Variants in KLHL29 observed in about 807,000 individuals in gnomAD.
KLHL29 encodes the protein kelch like family member 29, also known as kelch-like protein 29.
KLHL29 carries 21 observed loss-of-function variants against 80.4 expected under a neutral mutation model. That is an observed-to-expected ratio of 0.26 (90% confidence interval 0.19 to 0.38). The LOEUF is 0.38. KLHL29 is among the 10% of genes least tolerant of loss of function. KLHL29 has a pLI of 1.00. For missense variants in KLHL29, 867 were observed against 1,223.9 expected (o/e 0.71, Z 4.35); for synonymous variants, 511 against 526.8 (o/e 0.97, Z 0.41).
At chr2:23,473,324 G>A (rs1664547456) in intron 1 of KLHL29, among the ~76,000 whole-genome samples, 1 of 152,138 alleles carries the variant, frequency 6.6e-6, no homozygotes, top group South Asian at 2.1e-4. Flanking sequence ...GCTCGCCTGG[G>A]AGAGGTGGGG....
chr2:23,658,493 C>T (rs1670308349), intron 5 of KLHL29, among the ~76,000 whole-genome samples: 1 of 152,192 alleles, frequency 6.6e-6, no homozygotes, highest in African/African-American at 2.4e-5. Flanking sequence ...AGCACAGGCC[C>T]CACGTCCCCT....
chr2:23,498,132 A>G (rs1278533869), intron 2 of KLHL29, among the ~76,000 whole-genome samples: 1 of 152,196 alleles, frequency 6.6e-6, no homozygotes, highest in Non-Finnish European at 1.5e-5. Context: ...AACTTCCAGC[A>G]TACAATATAA....
At chr2:23,508,148 CT>C (rs1483982071) in intron 2 of KLHL29, among the ~76,000 whole-genome samples, 1 of 152,206 alleles carries the variant, frequency 6.6e-6, no homozygotes, top group Non-Finnish European at 1.5e-5. Flanking sequence ...ACCCAAGAAA[CT>C]GTGTGGCTCA....
Position 23,684,158 on chromosome 2 carries a change from G to C in KLHL29, c.941-241G>C, listed in dbSNP as rs1671171917. Among the ~76,000 whole-genome samples the C allele has an allele frequency of 6.6e-6, 1 of 151,844 alleles. No individual in the cohort carries two copies. The highest frequency in any genetic ancestry group is 2.4e-5 in the African/African-American group (1 of 41,328). On this transcript the variant is annotated intron_variant, in intron 5 of 13. Coordinates refer to ENST00000486442, the MANE Select transcript of KLHL29 (RefSeq NM_052920.2). This position sits in a 1 kb window ranked among gnomAD's most constrained non-coding sequence, Gnocchi z 4.4. ...GGGTTTGATTTTTTGTATCATATTT[G>C]GTTTTTTTGCTTTTTAAAGTTGTGA...
rs1375907695 is a variant in KLHL29, at chr2:23,695,171, G to A, written c.1543-452G>A. Among the ~76,000 whole-genome samples the A allele has an allele frequency of 6.6e-6, 1 of 152,140 alleles. No homozygotes were observed. The highest frequency in any genetic ancestry group is 1.5e-5 in the Non-Finnish European group (1 of 68,026). On this transcript the variant is annotated intron_variant, in intron 8 of 13. Transcript: ENST00000486442. This position sits in a 1 kb window ranked among gnomAD's most constrained non-coding sequence, Gnocchi z 7.6. ...AGGCTCCCACGGCTGAGACTTACAA[G>A]CTCAATAGTCGCCATCTCCTTGAAG...
At chr2:23,401,729 C>T (rs1435829566) in intron 1 of KLHL29, among the ~76,000 whole-genome samples, 5 of 152,216 alleles carry the variant, frequency 3.3e-5, no homozygotes, top group African/African-American at 1.2e-4. Flanking sequence ...GGACTATCTG[C>T]TGGTCCAAGG....
At chr2:23,416,122 A>G (rs531826231) in intron 1 of KLHL29, among the ~76,000 whole-genome samples, 1 of 152,100 alleles carries the variant, frequency 6.6e-6, no homozygotes, top group Non-Finnish European at 1.5e-5. Flanking sequence ...GCACAGTGAT[A>G]ACATCCCGAG....
At chr2:23,446,854 C>T (rs1558341548) in intron 1 of KLHL29, among the ~76,000 whole-genome samples, 1 of 152,308 alleles carries the variant, frequency 6.6e-6, no homozygotes, top group East Asian at 1.9e-4. Flanking sequence ...AAGGGAATCA[C>T]ATAAGACTGA....
At chr2:23,501,982 C>T (rs1045177194) in intron 2 of KLHL29, among the ~76,000 whole-genome samples, 12 of 152,110 alleles carry the variant, frequency 7.9e-5, no homozygotes, top group Non-Finnish European at 1.3e-4. Flanking sequence ...CCTGCATTTT[C>T]AAACCAAAGA....
At chr2:23,468,548 C>G (rs532810158) in intron 1 of KLHL29, among the ~76,000 whole-genome samples, 19 of 152,302 alleles carry the variant, frequency 1.2e-4, no homozygotes, top group East Asian at 1.9e-4. Context: ...ACACCGCCCC[C>G]CTCCCCGCCG....
chr2:23,484,305 C>G (rs940481433), intron 2 of KLHL29, among the ~76,000 whole-genome samples: 6 of 152,232 alleles, frequency 3.9e-5, no homozygotes, highest in African/African-American at 1.4e-4. Flanking sequence ...AGAGCCCGAG[C>G]TCACCTGTGG....
chr2:23,676,718 G>C (rs1670932547), intron 5 of KLHL29, among the ~76,000 whole-genome samples: 2 of 152,234 alleles, frequency 1.3e-5, no homozygotes, highest in Admixed American at 6.5e-5. Flanking sequence ...GGCAGAAAGA[G>C]AAACATTCAA....
At chr2:23,388,118 TG>T (rs931512676) in intron 1 of KLHL29, among the ~76,000 whole-genome samples, 2 of 152,020 alleles carry the variant, frequency 1.3e-5, no homozygotes, top group Non-Finnish European at 2.9e-5. Flanking sequence ...CTGAATGTGA[TG>T]GGGGGTGGGG....
Position 23,695,566 on chromosome 2 carries a change from C to A in KLHL29, c.1543-57C>A. 1 of 1,238,832 alleles carries A rather than the reference C, an allele frequency of 8.1e-7. No homozygotes were observed. Among genetic ancestry groups the A allele is most frequent in the Admixed American group, 2.3e-5 (1 of 42,796 alleles). The allele number at this position is 1,238,832 out of a possible 1,614,324, so 76.7% of individuals were successfully genotyped here. A position where few individuals can be genotyped will look rare whatever the true frequency, so the allele number is the denominator to read the frequency against. On this transcript the variant is annotated intron_variant, in intron 8 of 13. Coordinates refer to ENST00000486442, the MANE Select transcript of KLHL29 (RefSeq NM_052920.2). This position sits in a 1 kb window ranked among gnomAD's most constrained non-coding sequence, Gnocchi z 7.6. ...GCAGCCCCACACCATTTCTTTCCGT[C>A]CGGGAGGTGGCTCTCTCTTGCTAGT... is the stretch of plus-strand genomic sequence containing the variant.
intron 2 of KLHL29, among the ~76,000 whole-genome samples, chr2:23,556,192 C>T (rs1379358962): frequency 6.6e-6 from 1 of 152,178 alleles, no homozygotes; most frequent in Non-Finnish European, 1.5e-5. Flanking sequence ...GAGCTGGCTT[C>T]CTAAGTTGTG....
intron 6 of KLHL29, among the ~76,000 whole-genome samples, chr2:23,686,931 T>C (rs1035368146): frequency 1.3e-5 from 2 of 152,108 alleles, no homozygotes; most frequent in Admixed American, 6.5e-5. Flanking sequence ...AAGTGCCTTC[T>C]TGGGAGGAAA....
chr2:23,706,938 T>A lies in KLHL29; in HGVS notation c.*274T>A. The A allele has an allele frequency of 3.0e-6, 1 of 336,340 alleles. No individual in the cohort carries two copies. The highest frequency in any genetic ancestry group is 5.4e-6 in the Non-Finnish European group (1 of 186,748). 20.8% of individuals were successfully genotyped at this position (336,340 alleles called of 1,614,324 possible). On this transcript the variant is annotated 3_prime_UTR_variant, in exon 14 of 14. Transcript: ENST00000486442. ...GGGGCGCTCGCTCTGCCAGGTGCAA[T>A]AGAGTTTCACGTATTTTTCAACTGG...
At chr2:23,520,303 C>G (rs1666053327) in intron 2 of KLHL29, among the ~76,000 whole-genome samples, 1 of 152,194 alleles carries the variant, frequency 6.6e-6, no homozygotes, top group African/African-American at 2.4e-5. Flanking sequence ...TTCATGGGCT[C>G]AGATACCTAA....
intron 2 of KLHL29, among the ~76,000 whole-genome samples, chr2:23,532,342 C>G (rs111338023): frequency 0.013 from 2,006 of 152,300 alleles, 36 homozygotes; most frequent in African/African-American, 0.045. Flanking sequence ...TAGACAACAC[C>G]GGCTCACTGG....
Sources: allele counts gnomAD v4.1 joint callset (sites outside exome capture counted in the v4.1 genomes callset), GRCh38; gene constraint gnomAD v4.1.1; non-coding constraint Gnocchi (gnomAD v3.1); transcripts MANE v1.5; gene names NCBI Gene and HGNC (gene_info 2026-07-23, HGNC 2026-07-21).